The following TMEM164 variants were observed in gnomAD, a reference collection of about 807,000 sequenced individuals.
TMEM164 encodes RP13-360B22.2.
Under a neutral mutation model 18.8 loss-of-function variants are expected in TMEM164, and 4 were observed. The ratio of observed to expected loss-of-function variants is 0.21; its 90% CI spans 0.10 to 0.49. The LOEUF (loss-of-function observed/expected upper bound fraction) is 0.49. TMEM164 is among the 20% of genes least tolerant of loss of function. The probability of loss-of-function intolerance (pLI) is 0.98; values close to 1 mark genes in which losing one functional copy is unlikely to be tolerated. For missense variants in TMEM164, 108 were observed against 239.9 expected (o/e 0.45, Z 3.63); for synonymous variants, 86 against 101.7 (o/e 0.85, Z 0.93).
chrX:110,021,415 T>C (rs138787162), intron 2 of TMEM164, among the ~76,000 whole-genome samples: 23 of 110,417 alleles, frequency 2.1e-4, no homozygotes, highest in Middle Eastern at 4.6e-3. Flanking sequence ...TGCCAGGAAG[T>C]TCAGTGGAAA....
chrX:110,014,740 GTTTC>G, intron 2 of TMEM164, among the ~76,000 whole-genome samples: 1 of 51,215 alleles, frequency 2.0e-5, no homozygotes, highest in South Asian at 1.2e-3. Flanking sequence ...TTTTTTGGTT[GTTTC>G]TTTTTTTTTT....
intron 3 of TMEM164, among the ~76,000 whole-genome samples, chrX:110,081,892 C>G (rs1003147556): frequency 8.9e-6 from 1 of 112,365 alleles, no homozygotes; most frequent in South Asian, 3.6e-4. Context: ...AGGGGTATGA[C>G]GTGTGCAGCA....
chrX:110,061,841 G>A (rs1282295984), intron 2 of TMEM164, among the ~76,000 whole-genome samples: 1 of 111,630 alleles, frequency 9.0e-6, no homozygotes. Context: ...GGAGAAAATA[G>A]TTTAATTTTG....
intron 2 of TMEM164, among the ~76,000 whole-genome samples, chrX:110,023,125 A>C (rs1345291515): frequency 1.8e-5 from 2 of 111,539 alleles, no homozygotes; most frequent in African/African-American, 3.3e-5. Context: ...GGGAGGTTAA[A>C]TTTTAGTCTT....
chrX:110,052,768 T>C (rs1297977529), intron 2 of TMEM164, among the ~76,000 whole-genome samples: 1 of 102,061 alleles, frequency 9.8e-6, no homozygotes, highest in Non-Finnish European at 2.0e-5. Context: ...TTTTTTTTTT[T>C]GAGACGGAGT....
chrX:110,017,405 CCTTTCTTTCTTT>C (rs1555984532), intron 2 of TMEM164, among the ~76,000 whole-genome samples: 2 of 15,273 alleles, frequency 1.3e-4, no homozygotes, highest in African/African-American at 2.2e-4. Flanking sequence ...CCACCTCCTT[CCTTTCTTTCTTT>C]CTTTCTTTCT....
At chrX:110,086,168 G>T in intron 3 of TMEM164, among the ~76,000 whole-genome samples, 1 of 112,048 alleles carries the variant, frequency 8.9e-6, no homozygotes, top group African/African-American at 3.2e-5. Context: ...AGTGTTTGGG[G>T]AATTTTATCT....
In TMEM164 at chrX:110,177,635, G is replaced by A. The variant is rs756033617; in HGVS notation, c.*4184G>A. Reference sequence around the variant, plus strand: ...GAAATGGTATCTGCAGTCGCCTTTGGAAATAAATGGTCATTAATTTGTGTA... The same window carrying A: ...GAAATGGTATCTGCAGTCGCCTTTGAAAATAAATGGTCATTAATTTGTGTA... On this transcript the variant is annotated 3_prime_UTR_variant, in exon 7 of 7. Transcript: ENST00000372068. The A allele has an allele frequency of 8.9e-5, 10 of 112,662 alleles. No homozygotes were observed. Among genetic ancestry groups the A allele is most frequent in the Non-Finnish European group, 1.9e-4 (10 of 53,334 alleles). 9.3% of individuals were successfully genotyped at this position (112,662 alleles called of 1,213,427 possible).
At position 110,173,394 on chromosome X, in the gene TMEM164, G is replaced by A. The variant is rs762074290; in HGVS notation, c.837G>A (p.Gly279=). ...KLVILFSYMA[G]PLCKYLLDLL... is the part of the protein sequence containing the mutation. The stretch of plus-strand genomic sequence containing the variant: ...TCATCCTGTTCTCATACATGGCTGG[G>A]CCCTTGTGTAAATATCTGCTGGATT... Residue 279 remains glycine (G), a synonymous_variant, in exon 7 of 7, where the codon GGG becomes GGA. Transcript: ENST00000372068. The A allele has an allele frequency of 1.7e-5, 21 of 1,209,632 alleles. No homozygotes were observed. The highest frequency in any genetic ancestry group is 1.6e-4 in the African/African-American group (9 of 56,994).
intron 2 of TMEM164, among the ~76,000 whole-genome samples, chrX:110,010,392 C>A (rs190594947): frequency 8.8e-6 from 1 of 113,051 alleles, no homozygotes; most frequent in Non-Finnish European, 1.9e-5. Flanking sequence ...TCTTGTCTCA[C>A]GTGCTCCTCT....
At chrX:110,091,736 T>G (rs372307266) in intron 3 of TMEM164, among the ~76,000 whole-genome samples, 7 of 112,185 alleles carry the variant, frequency 6.2e-5, no homozygotes, top group East Asian at 2.8e-4. Context: ...GTCAATTTTG[T>G]CTTTTGTTGC....
chrX:110,116,861 CGTGT>C (rs751272706), intron 4 of TMEM164, among the ~76,000 whole-genome samples: 3 of 88,816 alleles, frequency 3.4e-5, no homozygotes, highest in South Asian at 5.9e-4. Flanking sequence ...TGCGCGTGTG[CGTGT>C]GTGTGTGTGT....
At chrX:110,022,728 G>C (rs1466836808) in intron 2 of TMEM164, among the ~76,000 whole-genome samples, 1 of 112,163 alleles carries the variant, frequency 8.9e-6, no homozygotes, top group Admixed American at 9.4e-5. Flanking sequence ...AGTCGTACTA[G>C]AGAGATACAA....
chrX:110,080,552 C>T (rs1463166631), intron 3 of TMEM164, among the ~76,000 whole-genome samples: 1 of 111,767 alleles, frequency 8.9e-6, no homozygotes, highest in African/African-American at 3.3e-5. Context: ...ATCTAAACCC[C>T]ATCCCTGATC....
At chrX:110,105,749 ATGAGAG>A (rs773993954) in intron 3 of TMEM164, among the ~76,000 whole-genome samples, 217 of 53,460 alleles carry the variant, frequency 4.1e-3, no homozygotes, top group Middle Eastern at 9.9e-3. Flanking sequence ...GAGAGAGAGA[ATGAGAG>A]AGAGAGAGAG....
chrX:110,071,716 C>CAAAAAAAAA (rs59182790), intron 3 of TMEM164, among the ~76,000 whole-genome samples: 1 of 43,369 alleles, frequency 2.3e-5, no homozygotes, highest in African/African-American at 1.0e-4. Context: ...TTTGTCTCTA[C>CAAAAAAAAA]AAAAAAAAAA....
At chrX:110,050,180 T>C (rs1216133114) in intron 2 of TMEM164, among the ~76,000 whole-genome samples, 2 of 111,774 alleles carry the variant, frequency 1.8e-5, no homozygotes, top group African/African-American at 6.5e-5. Context: ...CAAATGACTA[T>C]AGAGGGACTC....
chrX:110,095,530 C>A (rs1044455117), intron 3 of TMEM164, among the ~76,000 whole-genome samples: 2 of 112,011 alleles, frequency 1.8e-5, no homozygotes, highest in Non-Finnish European at 3.8e-5. Flanking sequence ...TCAGCTCCAT[C>A]AGGTTATTTA....
intron 3 of TMEM164, among the ~76,000 whole-genome samples, chrX:110,106,887 T>C (rs1346374120): frequency 1.8e-5 from 2 of 111,805 alleles, no homozygotes; most frequent in Non-Finnish European, 3.8e-5. Flanking sequence ...AGACACGGGG[T>C]GCCACCTTGA....
Sources: allele counts gnomAD v4.1 joint callset (sites outside exome capture counted in the v4.1 genomes callset), GRCh38; gene constraint gnomAD v4.1.1; transcripts MANE v1.5; gene names NCBI Gene and HGNC (gene_info 2026-07-23, HGNC 2026-07-21).